GRIK2: variants seen among roughly 807,000 people sequenced by gnomAD.
The protein encoded by GRIK2 is glutamate ionotropic receptor kainate type subunit 2.
In GRIK2, 32 loss-of-function variants were observed where a neutral mutation model predicts 100.3. The observed-to-expected ratio is 0.32, with a 90% CI of 0.24 to 0.43. GRIK2 has a LOEUF of 0.43. GRIK2 is among the 20% of genes least tolerant of loss of function. The probability of loss-of-function intolerance (pLI) is 1.00; values close to 1 mark genes in which losing one functional copy is unlikely to be tolerated. For missense variants in GRIK2, 843 were observed against 1,114.9 expected (o/e 0.76, Z 3.47); for synonymous variants, 417 against 389.4 (o/e 1.07, Z -0.83).
At chr6:101,861,094 T>C (rs1040053823) in intron 11 of GRIK2, among the ~76,000 whole-genome samples, 1 of 152,184 alleles carries the variant, frequency 6.6e-6, no homozygotes, top group African/African-American at 2.4e-5. Flanking sequence ...TTGAAAACAC[T>C]GCCTTAAACA....
chr6:101,445,548 A>T (rs1213359939), intron 2 of GRIK2, among the ~76,000 whole-genome samples: 2 of 152,092 alleles, frequency 1.3e-5, no homozygotes, highest in African/African-American at 4.8e-5. Context: ...TTTCAAAAGT[A>T]CATTTGTAAC....
intron 16 of GRIK2, among the ~76,000 whole-genome samples, chr6:102,056,492 CT>C: frequency 6.6e-6 from 1 of 152,006 alleles, no homozygotes; most frequent in Non-Finnish European, 1.5e-5. Context: ...GTAAACATCT[CT>C]TTTGTTTTTG....
At chr6:101,893,278 AAGAT>A (rs1209911657) in intron 12 of GRIK2, among the ~76,000 whole-genome samples, 1 of 151,608 alleles carries the variant, frequency 6.6e-6, no homozygotes, top group Non-Finnish European at 1.5e-5. Flanking sequence ...AGATAAAAGA[AAGAT>A]CATGTTTCAA....
chr6:101,832,834 AG>A (rs1171487503), intron 10 of GRIK2, among the ~76,000 whole-genome samples: 1 of 152,224 alleles, frequency 6.6e-6, no homozygotes, highest in Non-Finnish European at 1.5e-5. Flanking sequence ...CTGTAATCAA[AG>A]AACTGTCTAG....
chr6:101,653,497 T>A (rs1420090787), intron 4 of GRIK2, among the ~76,000 whole-genome samples: 1 of 152,164 alleles, frequency 6.6e-6, no homozygotes, highest in Non-Finnish European at 1.5e-5. Flanking sequence ...CTCGTCATGC[T>A]GTCTCATTAC....
At chr6:101,955,940 A>G (rs1033528798) in intron 14 of GRIK2, among the ~76,000 whole-genome samples, 1 of 151,448 alleles carries the variant, frequency 6.6e-6, no homozygotes, top group African/African-American at 2.4e-5. Flanking sequence ...GCTTTATTCG[A>G]GTGTACTTTG....
At chr6:101,937,341 T>G (rs1790679131) in intron 14 of GRIK2, among the ~76,000 whole-genome samples, 2 of 152,104 alleles carry the variant, frequency 1.3e-5, no homozygotes. Context: ...GTGTCCCAAC[T>G]CATCAGTCTT....
chr6:101,944,506 T>C (rs946453444), intron 14 of GRIK2, among the ~76,000 whole-genome samples: 6 of 152,208 alleles, frequency 3.9e-5, no homozygotes, highest in African/African-American at 1.4e-4. Context: ...TTTTGCCAAA[T>C]TGCTCTTTGG....
intron 5 of GRIK2, among the ~76,000 whole-genome samples, chr6:101,680,933 G>A (rs887922248): frequency 6.6e-6 from 1 of 152,078 alleles, no homozygotes; most frequent in African/African-American, 2.4e-5. Context: ...TAAATTTCCT[G>A]TGCTCAATTC....
At chr6:101,783,707 C>T (rs1779249421) in intron 7 of GRIK2, among the ~76,000 whole-genome samples, 1 of 152,090 alleles carries the variant, frequency 6.6e-6, no homozygotes, top group African/African-American at 2.4e-5. Context: ...CAATGAAGTA[C>T]AGGTTGAGGT....
At chr6:101,565,065 T>C (rs73506628) in intron 2 of GRIK2, among the ~76,000 whole-genome samples, 1 of 151,964 alleles carries the variant, frequency 6.6e-6, no homozygotes, top group Non-Finnish European at 1.5e-5. Flanking sequence ...TTTAACATAA[T>C]GTACAGGGGC....
chr6:101,899,102 G>GTTTTTT (rs1171630693), intron 12 of GRIK2, among the ~76,000 whole-genome samples: 1 of 130,202 alleles, frequency 7.7e-6, no homozygotes, highest in Non-Finnish European at 1.7e-5. Context: ...TGTTGTTTTT[G>GTTTTTT]TTTTTTTTTT....
chr6:101,874,178 A>G (rs1487031613), intron 11 of GRIK2, among the ~76,000 whole-genome samples: 2 of 152,210 alleles, frequency 1.3e-5, no homozygotes, highest in South Asian at 2.1e-4. Context: ...GCCTATGCCT[A>G]TGTCCTGAAT....
intron 2 of GRIK2, among the ~76,000 whole-genome samples, chr6:101,442,609 G>A (rs1770137652): frequency 6.6e-6 from 1 of 152,136 alleles, no homozygotes; most frequent in Admixed American, 6.5e-5. Context: ...AGTGATGGAG[G>A]GGACAGAACA....
At chr6:101,472,848 A>G (rs1265615837) in intron 2 of GRIK2, among the ~76,000 whole-genome samples, 1 of 151,826 alleles carries the variant, frequency 6.6e-6, no homozygotes, top group Non-Finnish European at 1.5e-5. Flanking sequence ...AGAATTTGGA[A>G]AGCAACAAAT....
intron 3 of GRIK2, among the ~76,000 whole-genome samples, chr6:101,623,301 T>C (rs1384736032): frequency 6.6e-6 from 1 of 152,072 alleles, no homozygotes; most frequent in African/African-American, 2.4e-5. Flanking sequence ...TTTGAATTCA[T>C]ATCTTTATGA....
chr6:101,982,539 C>G (rs1793775307), intron 14 of GRIK2, among the ~76,000 whole-genome samples: 1 of 151,570 alleles, frequency 6.6e-6, no homozygotes, highest in Non-Finnish European at 1.5e-5. Flanking sequence ...ATGGAGAAAG[C>G]CTTTCTGGTC....
chr6:101,622,173 T>C (rs905756405), intron 3 of GRIK2, 57 bp downstream of exon 3: 1 of 1,033,094 alleles, frequency 9.7e-7, no homozygotes, highest in Non-Finnish European at 1.5e-6. Context: ...CTAGGTATTC[T>C]TAAGAGATTT....
chr6:101,936,736 A>C (rs1790641994), intron 14 of GRIK2, among the ~76,000 whole-genome samples: 1 of 152,098 alleles, frequency 6.6e-6, no homozygotes, highest in South Asian at 2.1e-4. Context: ...TCAGCATGCC[A>C]AGTTAAAGCC....
Sources: gnomAD v4.1 joint callset for allele counts (sites outside exome capture counted in the v4.1 genomes callset) on GRCh38, gnomAD v4.1.1 for gene constraint, MANE v1.5 for transcripts, NCBI Gene and HGNC (gene_info 2026-07-23, HGNC 2026-07-21) for gene names.